Variants in CNTNAP2 observed in about 807,000 individuals in gnomAD.
The protein encoded by CNTNAP2 is contactin-associated protein-like 2.
In CNTNAP2, 98 loss-of-function variants were observed where a neutral mutation model predicts 155.2. That is an observed-to-expected ratio of 0.63 (90% CI 0.54 to 0.75). CNTNAP2 has a LOEUF of 0.75. CNTNAP2 is among the 30% of genes least tolerant of loss of function. The pLI, the probability that CNTNAP2 is intolerant of heterozygous loss-of-function variation, is 0.00. For synonymous variants in CNTNAP2, 651 were observed against 631.2 expected (o/e 1.03, Z -0.47); for missense variants, 1,727 against 1,688.1 (o/e 1.02, Z -0.40).
chr7:147,518,355 A>G (rs1459242180), intron 11 of CNTNAP2, among the ~76,000 whole-genome samples: 5 of 152,190 alleles, frequency 3.3e-5, no homozygotes, highest in African/African-American at 4.8e-5. Context: ...GAAAAAATAA[A>G]TGAGAGAAGG....
At chr7:148,268,318 A>G (rs1369672511) in intron 21 of CNTNAP2, among the ~76,000 whole-genome samples, 1 of 152,088 alleles carries the variant, frequency 6.6e-6, no homozygotes, top group African/African-American at 2.4e-5. Flanking sequence ...AACATGCGGC[A>G]GGGGTCACAA....
chr7:147,538,256 T>G (rs1799582232), intron 11 of CNTNAP2, among the ~76,000 whole-genome samples: 1 of 152,232 alleles, frequency 6.6e-6, no homozygotes, highest in Admixed American at 6.5e-5. Context: ...TTTCTTCTAT[T>G]GCAGACAATT....
At chr7:146,218,788 G>A (rs983901055) in intron 1 of CNTNAP2, among the ~76,000 whole-genome samples, 1 of 152,016 alleles carries the variant, frequency 6.6e-6, no homozygotes, top group African/African-American at 2.4e-5. Flanking sequence ...CACACGGAAT[G>A]GCAAAGCTTT....
chr7:148,187,469 G>A lies in CNTNAP2; in HGVS notation c.3010+14991G>A, dbSNP rs147987159. Among the ~76,000 whole-genome samples, 1,311 of 152,320 alleles carry A rather than the reference G, an allele frequency of 8.6e-3. 11 individuals are homozygous for A. Among genetic ancestry groups the A allele is most frequent in the Non-Finnish European group, 0.012 (839 of 68,020 alleles). On this transcript the variant is annotated intron_variant, in intron 18 of 23. Coordinates refer to ENST00000361727, the MANE Select transcript of CNTNAP2 (RefSeq NM_014141.6). ...AATTACTGATTGATGGTTGCTGAAG[G>A]ATGGCAATTTCTCTGTTCCAGTCTG...
At chr7:146,904,462 G>T (rs897115141) in intron 3 of CNTNAP2, among the ~76,000 whole-genome samples, 1 of 152,066 alleles carries the variant, frequency 6.6e-6, no homozygotes, top group Admixed American at 6.5e-5. Flanking sequence ...TTGAATGAGA[G>T]AATTCATCTT....
At chr7:147,854,313 T>C (rs965852268) in intron 13 of CNTNAP2, among the ~76,000 whole-genome samples, 2 of 152,168 alleles carry the variant, frequency 1.3e-5, no homozygotes, top group African/African-American at 2.4e-5. Flanking sequence ...AAGAAGTATA[T>C]ATTTTTTAAC....
intron 1 of CNTNAP2, among the ~76,000 whole-genome samples, chr7:146,546,179 T>C (rs760009153): frequency 2.6e-5 from 4 of 151,898 alleles, no homozygotes; most frequent in Non-Finnish European, 5.9e-5. Context: ...GTGTGTAGCT[T>C]AGAGGGAAGA....
chr7:147,053,889 C>T (rs1220226169), intron 4 of CNTNAP2, among the ~76,000 whole-genome samples: 1 of 152,038 alleles, frequency 6.6e-6, no homozygotes, highest in Non-Finnish European at 1.5e-5. Flanking sequence ...AAAGAGGAGC[C>T]ATATGTGTAC....
Position 148,415,487 on chromosome 7 carries a change from C to G in CNTNAP2, c.3867C>G (p.His1289Gln). 1 of 1,614,238 alleles carries G rather than the reference C, an allele frequency of 6.2e-7. No individual in the cohort carries two copies. Among genetic ancestry groups the G allele is most frequent in the Non-Finnish European group, 8.5e-7 (1 of 1,180,036 alleles). The change falls in exon 24 of 24, where the codon CAC becomes CAG. Residue 1289 changes from histidine to glutamine, a missense_variant. Transcript: ENST00000361727. The stretch of plus-strand genomic sequence containing the variant: ...TCCTGATCCGGTACATGTTCCGCCA[C>G]AAGGGCACCTACCATACCAACGAAG... ...LVFLIRYMFR[H>Q]KGTYHTNEAK...
intron 2 of CNTNAP2, among the ~76,000 whole-genome samples, chr7:146,784,600 C>T (rs965563942): frequency 1.1e-4 from 17 of 152,042 alleles, no homozygotes; most frequent in African/African-American, 3.9e-4. Flanking sequence ...TTTTCGTTAC[C>T]CATAGGAGAC....
At chr7:147,631,686 A>C (rs1207792333) in intron 12 of CNTNAP2, among the ~76,000 whole-genome samples, 4 of 152,216 alleles carry the variant, frequency 2.6e-5, no homozygotes, top group Admixed American at 1.3e-4. Flanking sequence ...AAATATTTAA[A>C]GCCAACTGAT....
intron 1 of CNTNAP2, among the ~76,000 whole-genome samples, chr7:146,468,231 A>G (rs1796743738): frequency 6.6e-6 from 1 of 152,174 alleles, no homozygotes; most frequent in South Asian, 2.1e-4. Flanking sequence ...ACTTGTAGGT[A>G]AGAACATGCA....
chr7:148,360,810 C>CTTT (rs1177933137), intron 21 of CNTNAP2, among the ~76,000 whole-genome samples: 8 of 138,582 alleles, frequency 5.8e-5, no homozygotes, highest in African/African-American at 1.6e-4. Context: ...TCTTTTTTTT[C>CTTT]TTTTTCTTTT....
intron 1 of CNTNAP2, among the ~76,000 whole-genome samples, chr7:146,256,187 G>T (rs576574480): frequency 3.3e-5 from 5 of 152,252 alleles, no homozygotes; most frequent in East Asian, 3.9e-4. Flanking sequence ...CAGCCTCTTG[G>T]CAGGTCATCA....
chr7:146,147,834 A>C (rs1018673375), intron 1 of CNTNAP2, among the ~76,000 whole-genome samples: 1 of 152,166 alleles, frequency 6.6e-6, no homozygotes, highest in African/African-American at 2.4e-5. Flanking sequence ...TTTAATGTTA[A>C]ATATTGATAG....
chr7:147,011,415 T>G (rs891059473), intron 3 of CNTNAP2, among the ~76,000 whole-genome samples: 1 of 77,172 alleles, frequency 1.3e-5, no homozygotes, highest in Non-Finnish European at 2.2e-5. Context: ...TGACACTCCA[T>G]CTCAAAAAAA....
chr7:147,552,607 C>CACACAGAG (rs199934935), intron 11 of CNTNAP2, among the ~76,000 whole-genome samples: 2 of 144,728 alleles, frequency 1.4e-5, no homozygotes, highest in African/African-American at 5.0e-5. Context: ...CACACACACA[C>CACACAGAG]AGAGATATAA....
intron 12 of CNTNAP2, among the ~76,000 whole-genome samples, chr7:147,612,009 A>G (rs1240845030): frequency 1.1e-4 from 16 of 152,234 alleles, no homozygotes; most frequent in Non-Finnish European, 1.6e-4. Context: ...CTATAAATAT[A>G]TGGTCTTCAA....
intron 4 of CNTNAP2, among the ~76,000 whole-genome samples, chr7:147,059,673 G>A (rs891319233): frequency 6.6e-6 from 1 of 152,112 alleles, no homozygotes; most frequent in Non-Finnish European, 1.5e-5. Flanking sequence ...GCAATAAGCA[G>A]CATTTATTTA....
Sources: gnomAD v4.1 joint callset for allele counts (sites outside exome capture counted in the v4.1 genomes callset) on GRCh38, gnomAD v4.1.1 for gene constraint, MANE v1.5 for transcripts, NCBI Gene and HGNC (gene_info 2026-07-23, HGNC 2026-07-21) for gene names.